The following NEMF variants were observed in gnomAD, a reference collection of about 807,000 sequenced individuals.
The protein encoded by NEMF is ribosome quality control complex subunit NEMF.
Under a neutral mutation model 162.2 loss-of-function variants are expected in NEMF, and 89 were observed. That is an observed-to-expected ratio of 0.55 (90% CI 0.46 to 0.65). The LOEUF (loss-of-function observed/expected upper bound fraction) is 0.65, where lower values mean the gene tolerates loss of function less well. NEMF is among the 30% of genes least tolerant of loss of function. The pLI is 0.00. For missense variants in NEMF, 1,133 were observed against 1,261.9 expected (o/e 0.90, Z 1.55); for synonymous variants, 421 against 404.5 (o/e 1.04, Z -0.49).
chr14:49,807,561 CAT>C (rs34316260), intron 18 of NEMF, among the ~76,000 whole-genome samples: 144,951 of 150,318 alleles, frequency 0.96, 70,129 homozygotes, highest in East Asian at 1. Context: ...ATCACCAGCA[CAT>C]GTTAGTGGGT....
At chr14:49,849,140 T>C (rs1055900459) in intron 3 of NEMF, among the ~76,000 whole-genome samples, 13 of 152,204 alleles carry the variant, frequency 8.5e-5, no homozygotes, top group African/African-American at 2.9e-4. Flanking sequence ...TGACCTATAC[T>C]GATTTGATTA....
In NEMF at chr14:49,799,670, T is replaced by C. The variant is rs1566658734; in HGVS notation, c.2381A>G (p.Gln794Arg). ...AGATTCCTCTTTTGAAGCCAATTTC[T>C]GGATGGACCTATGAAAATAAACACA... ...LSHLQPQRSI[Q>R]KLASKEESSN... Residue 794 changes from glutamine (Q) to arginine (R), a missense_variant, in exon 24 of 33, where the codon CAG (glutamine) becomes CGG (arginine). Coordinates refer to ENST00000298310, the MANE Select transcript of NEMF (RefSeq NM_004713.6). 1 of 1,611,490 alleles carries C rather than the reference T, an allele frequency of 6.2e-7. No homozygotes were observed. Among genetic ancestry groups the C allele is most frequent in the Non-Finnish European group, 8.5e-7 (1 of 1,179,022 alleles).
rs142087719 is a variant in NEMF at position 49,852,711 on chromosome 14, C to T, written c.43G>A (p.Ala15Thr). 6.2e-7 allele frequency: 1 copy of T among 1,614,128 alleles called. No individual in the cohort carries two copies. Among genetic ancestry groups the T allele is most frequent in the African/African-American group, 1.3e-5 (1 of 74,946 alleles). Residue 15 changes from alanine to threonine, a missense_variant, in exon 1 of 33, where the codon GCG becomes ACG. Physicochemically the swap from Ala to Thr is moderately conservative, Grantham distance 58 (BLOSUM62 0). This residue lies in a region of NEMF where 582 missense variants were observed against 631.5 expected (regional missense o/e 0.92). Coordinates refer to ENST00000298310, the MANE Select transcript of NEMF (RefSeq NM_004713.6). The stretch of plus-strand genomic sequence containing the variant: ...GTACTGTACCTAGCATTCAGCTCCG[C>T]GAGTACGGCGCGGAGGTCAATGGTG... ...FSTIDLRAVLAELNASLLGMR... is the reference protein window; with the variant it reads ...FSTIDLRAVLTELNASLLGMR...
chr14:49,835,772 C>CA (rs1206256464), intron 6 of NEMF, among the ~76,000 whole-genome samples: 1 of 151,984 alleles, frequency 6.6e-6, no homozygotes, highest in Non-Finnish European at 1.5e-5. Flanking sequence ...AAGGAACCCA[C>CA]AAAAAAACCC....
In NEMF at chr14:49,784,487, CAAG is replaced by C. The variant is rs904059226; in HGVS notation, c.*146_*148del. The stretch of plus-strand genomic sequence containing the variant: ...TCCTCTATATAAAACTGGGAAAAAA[CAAG>C]AAGTAAGTCCTTTTGGTGAATATAG... On this transcript the variant is annotated 3_prime_UTR_variant, in exon 33 of 33. Coordinates refer to ENST00000298310, the MANE Select transcript of NEMF (RefSeq NM_004713.6). The C allele has an allele frequency of 6.8e-6, 4 of 591,990 alleles. No homozygotes were observed. In the African/African-American group the frequency reaches 7.5e-5, roughly 11 times the overall value. 36.7% of individuals were successfully genotyped at this position (591,990 alleles called of 1,614,324 possible). A position where few individuals can be genotyped will look rare whatever the true frequency, so the allele number is the denominator to read the frequency against.
intron 6 of NEMF, among the ~76,000 whole-genome samples, chr14:49,835,877 A>G (rs3100903): frequency 0.94 from 143,182 of 152,254 alleles, 67,959 homozygotes; most frequent in Non-Finnish European, 1. Flanking sequence ...GAAATTAAGA[A>G]AATTCCACTG....
intron 16 of NEMF, among the ~76,000 whole-genome samples, chr14:49,816,802 G>A (rs1177202503): frequency 6.6e-6 from 1 of 152,146 alleles, no homozygotes; most frequent in East Asian, 1.9e-4. Context: ...TAGTAAAGAG[G>A]TTTGTAAAAA....
At chr14:49,825,600 G>A (rs1892296777) in intron 16 of NEMF, among the ~76,000 whole-genome samples, 1 of 152,182 alleles carries the variant, frequency 6.6e-6, no homozygotes, top group South Asian at 2.1e-4. Flanking sequence ...GCTGGGCACA[G>A]TGGCATGTGC....
intron 3 of NEMF, among the ~76,000 whole-genome samples, chr14:49,847,706 C>CTTTT (rs79188374): frequency 1.4e-5 from 2 of 138,054 alleles, no homozygotes; most frequent in African/African-American, 5.4e-5. Context: ...CCTACCAATT[C>CTTTT]TTTTTTTTTT....
At chr14:49,838,307 T>C in intron 5 of NEMF, 101 bp from the exon 6 acceptor site, 1 of 861,974 alleles carries the variant, frequency 1.2e-6, no homozygotes, top group Non-Finnish European at 1.9e-6. Context: ...ACCTGATCTT[T>C]ACAATAATCT....
At chr14:49,837,347 A>G (rs1892955245) in intron 6 of NEMF, among the ~76,000 whole-genome samples, 4 of 152,074 alleles carry the variant, frequency 2.6e-5, no homozygotes, top group Admixed American at 2.6e-4. Context: ...GATTTCAAAC[A>G]TTACAGAAAT....
chr14:49,807,248 C>T (rs1264023067), intron 18 of NEMF, among the ~76,000 whole-genome samples: 1 of 152,136 alleles, frequency 6.6e-6, no homozygotes, highest in African/African-American at 2.4e-5. Context: ...AATAATATTC[C>T]ATTATATGGA....
intron 15 of NEMF, among the ~76,000 whole-genome samples, chr14:49,827,085 G>C (rs1892390431): frequency 6.6e-6 from 1 of 152,152 alleles, no homozygotes; most frequent in Non-Finnish European, 1.5e-5. Context: ...GGTCAGAGGG[G>C]AGGAGATCTC....
chr14:49,843,609 T>C (rs1210633979), intron 4 of NEMF, among the ~76,000 whole-genome samples: 2 of 152,252 alleles, frequency 1.3e-5, no homozygotes, highest in African/African-American at 4.8e-5. Context: ...GTGAACGTAA[T>C]AGAGTATACT....
rs537642926 is a variant in NEMF, at chr14:49,844,408, T to G, written c.357+1732A>C. 1.3e-3 allele frequency among the ~76,000 whole-genome samples: 199 copies of G among 152,278 alleles called. 2 individuals carry two copies. The highest frequency in any genetic ancestry group is 2.1e-3 in the Non-Finnish European group (146 of 68,024). ...CGCATACTGCTCACCTCCTGCCGTG[T>G]GGCCTGGTTCCACAGACCAGTTCCA... is the stretch of plus-strand genomic sequence containing the variant. On this transcript the variant is annotated intron_variant, in intron 4 of 32. Transcript: ENST00000298310.
intron 4 of NEMF, among the ~76,000 whole-genome samples, chr14:49,842,674 G>C (rs1893273238): frequency 1.3e-5 from 2 of 152,226 alleles, no homozygotes; most frequent in Non-Finnish European, 1.5e-5. Context: ...ATTTACGTTG[G>C]TTAGAGAGAT....
chr14:49,817,353 T>C (rs993674330), intron 16 of NEMF, among the ~76,000 whole-genome samples: 3 of 152,120 alleles, frequency 2.0e-5, no homozygotes, highest in African/African-American at 7.2e-5. Context: ...TGAGGCAGAA[T>C]TGCTTGAACC....
intron 26 of NEMF, among the ~76,000 whole-genome samples, chr14:49,794,678 TA>T (rs1890606982): frequency 6.8e-6 from 1 of 147,446 alleles, no homozygotes; most frequent in Non-Finnish European, 1.5e-5. Flanking sequence ...GGTACACTGA[TA>T]AATTAGCCCA....
chr14:49,819,962 T>A (rs60862193), intron 16 of NEMF: 8,813 of 152,660 alleles, frequency 0.058, 282 homozygotes, highest in African/African-American at 0.075. Flanking sequence ...TTGTTTTTGT[T>A]TTTTTCTGAG....
Sources: allele counts gnomAD v4.1 joint callset (sites outside exome capture counted in the v4.1 genomes callset), GRCh38; gene constraint gnomAD v4.1.1; regional missense constraint gnomAD v4.1.1; transcripts MANE v1.5; gene names NCBI Gene and HGNC (gene_info 2026-07-23, HGNC 2026-07-21).